The following MTCL2 variants were observed in gnomAD, a reference collection of about 807,000 sequenced individuals.
The protein encoded by MTCL2 is microtubule crosslinking factor 2, also known as microtubule cross-linking factor 2.
chr20:36,778,834 C>T, the MTCL2 span: 2 of 152,312 alleles, frequency 1.3e-5, no homozygotes, highest in African/African-American at 4.8e-5. Context: ...AAGACATCTG[C>T]CCAGACCTGG....
the MTCL2 span, chr20:36,793,492 T>G: frequency 6.4e-7 from 1 of 1,551,728 alleles, no homozygotes; most frequent in Non-Finnish European, 8.7e-7. This position sits in a 1 kb window ranked among gnomAD's most constrained non-coding sequence, Gnocchi z 6.8. Flanking sequence ...TACGGAAGAA[T>G]TCCTGCACAA....
the MTCL2 span, chr20:36,784,975 G>A: frequency 1.5e-5 from 15 of 985,322 alleles, no homozygotes; most frequent in East Asian, 3.4e-4. Flanking sequence ...AGTAATCCAC[G>A]TTCGACTCAT....
the MTCL2 span, chr20:36,793,663 C>G: frequency 6.5e-7 from 1 of 1,550,294 alleles, no homozygotes. This position sits in a 1 kb window ranked among gnomAD's most constrained non-coding sequence, Gnocchi z 6.8. Flanking sequence ...TGGAGCGGGC[C>G]CAGGCCGAGC....
chr20:36,831,836 A>G, the MTCL2 span, among the ~76,000 whole-genome samples: 18 of 152,210 alleles, frequency 1.2e-4, no homozygotes, highest in Non-Finnish European at 2.5e-4. Context: ...TATGTGACCC[A>G]GGTTAAGTTA....
chr20:36,794,132 G>A, the MTCL2 span: 2 of 1,551,494 alleles, frequency 1.3e-6, no homozygotes, highest in Non-Finnish European at 1.7e-6. The surrounding 1 kb of genome is among the most constrained non-coding windows in gnomAD (Gnocchi z 5.4). Context: ...GCTGCCCGCT[G>A]AGCCTCCGTC....
the MTCL2 span, among the ~76,000 whole-genome samples, chr20:36,854,662 C>G: frequency 1.3e-5 from 2 of 152,082 alleles, no homozygotes; most frequent in East Asian, 1.9e-4. Context: ...GCAACTGACT[C>G]GAGCCCAGAA....
the MTCL2 span, among the ~76,000 whole-genome samples, chr20:36,854,611 T>C: frequency 6.6e-6 from 1 of 151,904 alleles, no homozygotes; most frequent in South Asian, 2.1e-4. Context: ...TGCTCCACCA[T>C]GGGGTAGGGT....
At chr20:36,832,228 C>T in the MTCL2 span, among the ~76,000 whole-genome samples, 1 of 152,326 alleles carries the variant, frequency 6.6e-6, no homozygotes, top group Admixed American at 6.5e-5. Flanking sequence ...ATGCCAACCC[C>T]ACCCACTATC....
At chr20:36,833,649 G>T in the MTCL2 span, among the ~76,000 whole-genome samples, 4 of 152,156 alleles carry the variant, frequency 2.6e-5, no homozygotes, top group African/African-American at 9.7e-5. Context: ...AGGAGTTCAA[G>T]ACCAGCCTGA....
chr20:36,853,322 C>T, the MTCL2 span, among the ~76,000 whole-genome samples: 2 of 152,178 alleles, frequency 1.3e-5, no homozygotes, highest in African/African-American at 4.8e-5. Flanking sequence ...GAGCAATCCC[C>T]GATGGGAGAG....
the MTCL2 span, among the ~76,000 whole-genome samples, chr20:36,854,445 G>A: frequency 6.6e-6 from 1 of 152,180 alleles, no homozygotes; most frequent in Admixed American, 6.5e-5. Context: ...GCTCAAAGGT[G>A]GAGGAAGAAA....
At chr20:36,801,505 G>A in the MTCL2 span, among the ~76,000 whole-genome samples, 2 of 151,094 alleles carry the variant, frequency 1.3e-5, no homozygotes, top group African/African-American at 4.9e-5. Context: ...GAGACCAGGA[G>A]CTCAAGTCCA....
the MTCL2 span, among the ~76,000 whole-genome samples, chr20:36,788,340 A>T: frequency 1.3e-5 from 2 of 151,900 alleles, no homozygotes; most frequent in African/African-American, 4.8e-5. Context: ...ATAGAGCAAG[A>T]CCCCATCTCT....
the MTCL2 span, chr20:36,839,275 G>T: frequency 6.2e-7 from 1 of 1,611,024 alleles, no homozygotes; most frequent in Non-Finnish European, 8.5e-7. The surrounding 1 kb of genome is among the most constrained non-coding windows in gnomAD (Gnocchi z 5.1). Context: ...GGTCTGGGCG[G>T]CACGGAGACT....
the MTCL2 span, chr20:36,815,421 G>A: frequency 3.7e-6 from 6 of 1,612,740 alleles, no homozygotes; most frequent in Non-Finnish European, 5.1e-6. This position sits in a 1 kb window ranked among gnomAD's most constrained non-coding sequence, Gnocchi z 5.3. Flanking sequence ...GAAGCCATTG[G>A]CATCAGCCAC....
At chr20:36,794,221 G>A in the MTCL2 span, 2 of 1,548,082 alleles carry the variant, frequency 1.3e-6, no homozygotes, top group South Asian at 1.2e-5. This position sits in a 1 kb window ranked among gnomAD's most constrained non-coding sequence, Gnocchi z 5.4. Context: ...CCGACTCTTT[G>A]GGCTTGGCTG....
the MTCL2 span, chr20:36,862,676 C>G: frequency 2.7e-6 from 4 of 1,500,060 alleles, no homozygotes; most frequent in Admixed American, 4.2e-5. Context: ...AGTCGTTCTC[C>G]GAGCGCAGCT....
At chr20:36,818,446 G>A in the MTCL2 span, among the ~76,000 whole-genome samples, 3 of 152,148 alleles carry the variant, frequency 2.0e-5, no homozygotes, top group South Asian at 4.1e-4. Context: ...ATAACAAATC[G>A]TAATTACACA....
At chr20:36,857,921 C>T in the MTCL2 span, among the ~76,000 whole-genome samples, 3 of 152,142 alleles carry the variant, frequency 2.0e-5, no homozygotes, top group South Asian at 4.1e-4. Flanking sequence ...CCTGGGCGGG[C>T]GTGCTTGTCC....
Sources: gnomAD v4.1 joint callset for allele counts (sites outside exome capture counted in the v4.1 genomes callset) on GRCh38, gnomAD v4.1.1 for gene constraint, Gnocchi (gnomAD v3.1) non-coding constraint, MANE v1.5 for transcripts, NCBI Gene and HGNC (gene_info 2026-07-23, HGNC 2026-07-21) for gene names.